Variants in LPAR1 observed in about 807,000 individuals in gnomAD.
LPAR1 encodes the protein LPA receptor 1.
A neutral mutation model predicts 23.8 loss-of-function variants in LPAR1; 5 were observed. The ratio of observed to expected loss-of-function variants is 0.21; its 90% confidence interval spans 0.11 to 0.44. The LOEUF is 0.44. LPAR1 is among the 20% of genes least tolerant of loss of function. LPAR1 has a pLI of 0.99. For synonymous variants in LPAR1, 160 were observed against 164.7 expected (o/e 0.97, Z 0.22); for missense variants, 311 against 482.8 (o/e 0.64, Z 3.33).
At chr9:111,014,325 G>T (rs1002745931) in intron 2 of LPAR1, among the ~76,000 whole-genome samples, 1 of 152,094 alleles carries the variant, frequency 6.6e-6, no homozygotes, top group Non-Finnish European at 1.5e-5. Flanking sequence ...AGCCATCAGT[G>T]CTGCCATTTC....
At position 110,922,824 on chromosome 9, in the gene LPAR1, A is replaced by ATATTATTATTATTAT. The variant is rs61229734; in HGVS notation, c.793+18582_793+18596dup. 2.8e-3 allele frequency among the ~76,000 whole-genome samples: 392 copies of ATATTATTATTATTAT among 142,232 alleles called. 3 individuals carry two copies. The highest frequency in any genetic ancestry group is 7.2e-3 in the Middle Eastern group (2 of 278). The allele number at this position is 142,232 out of a possible 152,430, so 93.3% of individuals were successfully genotyped here. Reference sequence around the variant, plus strand: ...TATCTGTTTTCAAGGTCTTATTATTATATTATTATTATTATTATTATTATT... The same window carrying ATATTATTATTATTAT: ...TATCTGTTTTCAAGGTCTTATTATTATATTATTATTATTATTATTATTATTATTATTATTATTATT... On this transcript the variant is annotated intron_variant, in intron 5 of 5. Transcript: ENST00000683809.
intron 2 of LPAR1, among the ~76,000 whole-genome samples, chr9:111,014,992 C>A (rs1362420959): frequency 6.6e-6 from 1 of 151,648 alleles, no homozygotes; most frequent in Non-Finnish European, 1.5e-5. Context: ...TAGAGTGGGC[C>A]CTAATCCAAT....
In LPAR1 at chr9:110,875,176, G is replaced by A. The variant is rs1300698976; in HGVS notation, c.*245C>T. Reference sequence around the variant, plus strand: ...CCAGAGTCTGTTCTTGAATTCCATTGCAAGAGCTCCAACTTCCTACTTTCA... The same window carrying A: ...CCAGAGTCTGTTCTTGAATTCCATTACAAGAGCTCCAACTTCCTACTTTCA... On this transcript the variant is annotated 3_prime_UTR_variant, in exon 6 of 6. Transcript: ENST00000683809. 7 of 410,498 alleles carry A rather than the reference G, an allele frequency of 1.7e-5. No homozygotes were observed. The highest frequency in any genetic ancestry group is 3.0e-5 in the Non-Finnish European group (7 of 230,272). The allele number at this position is 410,498 out of a possible 1,614,324, so 25.4% of individuals were successfully genotyped here.
At chr9:110,937,846 A>T (rs142585985) in intron 5 of LPAR1, among the ~76,000 whole-genome samples, 59 of 152,358 alleles carry the variant, frequency 3.9e-4, no homozygotes, top group African/African-American at 1.3e-3. Flanking sequence ...ATGGAAACTG[A>T]GTAATCATTC....
intron 4 of LPAR1, among the ~76,000 whole-genome samples, chr9:110,957,647 G>A (rs2095808788): frequency 6.6e-6 from 1 of 152,076 alleles, no homozygotes; most frequent in African/African-American, 2.4e-5. Context: ...ATAGGGAAAA[G>A]CTGAAAGCCT....
chr9:111,028,011 A>G (rs1420277551), intron 2 of LPAR1, among the ~76,000 whole-genome samples: 1 of 152,124 alleles, frequency 6.6e-6, no homozygotes, highest in Non-Finnish European at 1.5e-5. Context: ...ATTAGAAATT[A>G]AAAATGAAAG....
chr9:111,036,377 GAA>G (rs34393299), intron 1 of LPAR1, among the ~76,000 whole-genome samples, 176 bp from the exon 2 acceptor site: 1,546 of 122,134 alleles, frequency 0.013, 26 homozygotes, highest in African/African-American at 0.043. Flanking sequence ...TTGAGGAAAG[GAA>G]AAAAAAAAAA....
At chr9:111,010,968 C>T (rs1489303815) in intron 2 of LPAR1, among the ~76,000 whole-genome samples, 1 of 152,200 alleles carries the variant, frequency 6.6e-6, no homozygotes, top group Non-Finnish European at 1.5e-5. Context: ...TCCAAATTCA[C>T]AGCAGACATA....
At chr9:110,992,889 A>G (rs903098271) in intron 2 of LPAR1, among the ~76,000 whole-genome samples, 1 of 152,206 alleles carries the variant, frequency 6.6e-6, no homozygotes, top group Non-Finnish European at 1.5e-5. Flanking sequence ...GGAGTGTTGG[A>G]TATGTTCACC....
rs146544786 is a variant in LPAR1 at position 110,982,420 on chromosome 9, G to A, written c.-181-8862C>T. On this transcript the variant is annotated intron_variant, in intron 2 of 5. Coordinates refer to ENST00000683809, the MANE Select transcript of LPAR1 (RefSeq NM_001351411.2). Reference sequence around the variant, plus strand: ...ATATTCTCACTCATAAGTGGGAGTTGAACAATAAGAACACATGGACACAGG... The same window carrying A: ...ATATTCTCACTCATAAGTGGGAGTTAAACAATAAGAACACATGGACACAGG... Among the ~76,000 whole-genome samples the A allele has an allele frequency of 8.6e-3, 1,305 of 152,076 alleles. 15 individuals carry two copies. Among genetic ancestry groups the A allele is most frequent in the African/African-American group, 0.03 (1,232 of 41,490 alleles).
chr9:110,877,222 G>A (rs1370183998), intron 5 of LPAR1, among the ~76,000 whole-genome samples: 1 of 152,140 alleles, frequency 6.6e-6, no homozygotes, highest in Non-Finnish European at 1.5e-5. Flanking sequence ...GCTTTCTTTT[G>A]TGAAACTTTT....
At chr9:110,899,276 TG>T (rs1313412204) in intron 5 of LPAR1, among the ~76,000 whole-genome samples, 1 of 152,198 alleles carries the variant, frequency 6.6e-6, no homozygotes, top group Non-Finnish European at 1.5e-5. Flanking sequence ...CTCTAGGAAA[TG>T]TTTGAATTCA....
chr9:110,962,221 C>A (rs2096022195), intron 4 of LPAR1, among the ~76,000 whole-genome samples: 1 of 152,148 alleles, frequency 6.6e-6, no homozygotes, highest in Non-Finnish European at 1.5e-5. Context: ...TTCCTAAGTT[C>A]CCATCAGTCA....
chr9:110,879,836 C>G (rs1409630591), intron 5 of LPAR1, among the ~76,000 whole-genome samples: 1 of 152,206 alleles, frequency 6.6e-6, no homozygotes, highest in Non-Finnish European at 1.5e-5. Flanking sequence ...AGGAGACGGA[C>G]TCCATGAGAT....
chr9:110,931,895 A>G (rs1272524504), intron 5 of LPAR1, among the ~76,000 whole-genome samples: 1 of 152,160 alleles, frequency 6.6e-6, no homozygotes, highest in Admixed American at 6.5e-5. Context: ...CTGTTTTGGT[A>G]CCAGTACCAT....
Position 110,942,105 on chromosome 9 carries a change from T to C in LPAR1, c.109A>G (p.Ser37Gly). The C allele has an allele frequency of 3.1e-6, 5 of 1,614,052 alleles. No individual in the cohort carries two copies. The highest frequency in any genetic ancestry group is 4.2e-6 in the Non-Finnish European group (5 of 1,179,950). The change falls in exon 5 of 6, where the codon AGT becomes GGT. Residue 37 changes from serine (S) to glycine (G), a missense_variant. By Grantham distance (56) the Ser-to-Gly change is moderately conservative. Coordinates refer to ENST00000683809, the MANE Select transcript of LPAR1 (RefSeq NM_001351411.2). The part of the protein sequence containing the change: ...NESIAFFYNR[S>G]GKHLATEWNT... ...CATTCTGTGGCAAGATGCTTTCCACTTCGGTTATAAAAGAAGGCAATGGAC... is the reference window on the plus strand; with the variant it reads ...CATTCTGTGGCAAGATGCTTTCCACCTCGGTTATAAAAGAAGGCAATGGAC...
rs1283268798 is a variant in LPAR1, at chr9:111,038,294, C to T, written c.-389G>A. 6.7e-6 allele frequency: 1 copy of T among 148,752 alleles called. No individual in the cohort carries two copies. The highest frequency in any genetic ancestry group is 1.5e-5 in the Non-Finnish European group (1 of 66,816). The allele number at this position is 148,752 out of a possible 1,614,324, so 9.2% of individuals were successfully genotyped here. A position where few individuals can be genotyped will look rare whatever the true frequency, so the allele number is the denominator to read the frequency against. ...GGCCCTCCGCCCGCCCCTCGGCAGT[C>T]GCCCAGAGCGGGGCCGCCCCCTGCG... On this transcript the variant is annotated 5_prime_UTR_variant, in exon 1 of 6. Transcript: ENST00000683809. This position sits in a 1 kb window ranked among gnomAD's most constrained non-coding sequence, Gnocchi z 4.4.
At chr9:110,911,123 CG>C (rs1256770348) in intron 5 of LPAR1, among the ~76,000 whole-genome samples, 1 of 152,130 alleles carries the variant, frequency 6.6e-6, no homozygotes, top group East Asian at 1.9e-4. Context: ...AAGGAAGAAT[CG>C]ATCAACGTGG....
chr9:111,027,563 T>A (rs1049224831), intron 2 of LPAR1, among the ~76,000 whole-genome samples: 10 of 148,020 alleles, frequency 6.8e-5, no homozygotes, highest in Non-Finnish European at 1.3e-4. Flanking sequence ...CAATTTTTTT[T>A]AAGTCCTGTC....
Sources: gnomAD v4.1 joint callset for allele counts (sites outside exome capture counted in the v4.1 genomes callset) on GRCh38, gnomAD v4.1.1 for gene constraint, Gnocchi (gnomAD v3.1) non-coding constraint, MANE v1.5 for transcripts, NCBI Gene and HGNC (gene_info 2026-07-23, HGNC 2026-07-21) for gene names.